The following MSRA variants were observed in gnomAD, a reference collection of about 807,000 sequenced individuals.
The protein encoded by MSRA is methionine sulfoxide reductase A, also known as mitochondrial peptide methionine sulfoxide reductase.
MSRA carries 54 observed loss-of-function variants against 31.3 expected under a neutral mutation model. The observed-to-expected ratio is 1.73, with a 90% CI of 1.39 to 2.17. The LOEUF (loss-of-function observed/expected upper bound fraction) is 2.17, where lower values mean the gene tolerates loss of function less well. Ranked by LOEUF, MSRA falls within the 30% of genes most tolerant of loss-of-function variation. The pLI, the probability that MSRA is intolerant of heterozygous loss-of-function variation, is 0.00. For missense variants in MSRA, 507 were observed against 300.9 expected, an observed-to-expected ratio of 1.69 and a Z score of -5.07; for synonymous variants, 169 against 116.5, an observed-to-expected ratio of 1.45 and a Z score of -2.90.
intron 1 of MSRA, among the ~76,000 whole-genome samples, chr8:10,114,783 C>G (rs185777069): frequency 9.9e-5 from 15 of 152,230 alleles, no homozygotes; most frequent in Admixed American, 3.3e-4. Context: ...TAATGAAAGA[C>G]TCAATATTGT....
At chr8:10,254,583 G>C (rs1798081763) in intron 3 of MSRA, among the ~76,000 whole-genome samples, 1 of 152,184 alleles carries the variant, frequency 6.6e-6, no homozygotes, top group African/African-American at 2.4e-5. Flanking sequence ...ACAGTCCCAT[G>C]AGATAGAGCA....
At chr8:10,204,453 G>T (rs752960631) in intron 1 of MSRA, among the ~76,000 whole-genome samples, 1 of 151,904 alleles carries the variant, frequency 6.6e-6, no homozygotes, top group African/African-American at 2.4e-5. Flanking sequence ...TATTTTTACC[G>T]TACCTTTTCT....
chr8:10,125,176 AGGTGCCTCATTTGG>A (rs1419608731), intron 1 of MSRA, among the ~76,000 whole-genome samples: 1 of 152,202 alleles, frequency 6.6e-6, no homozygotes, highest in African/African-American at 2.4e-5. Flanking sequence ...GACGGCTGCC[AGGTGCCTCATTTGG>A]GGAGTAGGGG....
At chr8:10,103,788 A>C (rs1233806291) in intron 1 of MSRA, among the ~76,000 whole-genome samples, 2 of 152,032 alleles carry the variant, frequency 1.3e-5, no homozygotes, top group Non-Finnish European at 2.9e-5. Context: ...AAGTAGAATG[A>C]ATACCCATAT....
At chr8:10,271,720 T>C (rs1424277581) in intron 3 of MSRA, among the ~76,000 whole-genome samples, 2 of 13,612 alleles carry the variant, frequency 1.5e-4, no homozygotes, top group East Asian at 6.7e-3. Flanking sequence ...TGGGTAGTCT[T>C]TTTTTTTTTT....
At chr8:10,097,243 T>C (rs1393359922) in intron 1 of MSRA, among the ~76,000 whole-genome samples, 4 of 152,346 alleles carry the variant, frequency 2.6e-5, no homozygotes, top group East Asian at 3.9e-4. Context: ...TCTTCAACTT[T>C]TTAATTAATC....
At chr8:10,195,306 T>A (rs1807873600) in intron 1 of MSRA, among the ~76,000 whole-genome samples, 1 of 152,250 alleles carries the variant, frequency 6.6e-6, no homozygotes, top group African/African-American at 2.4e-5. Context: ...AGTGGCACAA[T>A]CTCGGCTCAT....
chr8:10,134,019 A>G (rs1338986444), intron 1 of MSRA, among the ~76,000 whole-genome samples: 1 of 151,820 alleles, frequency 6.6e-6, no homozygotes, highest in African/African-American at 2.4e-5. Flanking sequence ...TTAGTAGAGA[A>G]GGGGTTTCAC....
At chr8:10,343,348 C>T (rs1205433522) in intron 5 of MSRA, among the ~76,000 whole-genome samples, 2 of 152,146 alleles carry the variant, frequency 1.3e-5, no homozygotes, top group Non-Finnish European at 2.9e-5. Flanking sequence ...CCATGCTGTA[C>T]GTCATGCAGG....
intron 1 of MSRA, among the ~76,000 whole-genome samples, chr8:10,114,528 G>A (rs986975513): frequency 1.3e-5 from 2 of 152,088 alleles, no homozygotes; most frequent in Non-Finnish European, 2.9e-5. Flanking sequence ...TTAAATGACA[G>A]CCATGCTAAT....
chr8:10,313,551 G>A (rs1188501529), intron 4 of MSRA, among the ~76,000 whole-genome samples: 2 of 151,790 alleles, frequency 1.3e-5, no homozygotes, highest in Non-Finnish European at 2.9e-5. Context: ...TCTAATATTG[G>A]GTCTTGTTTA....
At chr8:10,422,906 C>T (rs1808899343) in intron 5 of MSRA, among the ~76,000 whole-genome samples, 1 of 152,236 alleles carries the variant, frequency 6.6e-6, no homozygotes. Flanking sequence ...TCTCCATCCC[C>T]AAAAGTGGCC....
At position 10,257,187 on chromosome 8, in the gene MSRA, G is replaced by A. The variant is rs113622360; in HGVS notation, c.331+11964G>A. Reference sequence around the variant, plus strand: ...ATCAGGGGTGGCCAGGAATGGGCACGTACAGACAGAAGCATTCAAGTGACT... The same window carrying A: ...ATCAGGGGTGGCCAGGAATGGGCACATACAGACAGAAGCATTCAAGTGACT... On this transcript the variant is annotated intron_variant, in intron 3 of 5. Transcript: ENST00000317173. Among the ~76,000 whole-genome samples the A allele has an allele frequency of 1.2e-4, 19 of 152,148 alleles. 1 individual carries two copies. Among genetic ancestry groups the A allele is most frequent in the Admixed American group, 8.5e-4 (13 of 15,286 alleles).
intron 3 of MSRA, among the ~76,000 whole-genome samples, chr8:10,270,307 C>T (rs1284974209): frequency 6.6e-6 from 1 of 151,962 alleles, no homozygotes; most frequent in Non-Finnish European, 1.5e-5. Flanking sequence ...CCACAAAATG[C>T]CATACAAAAG....
intron 1 of MSRA, among the ~76,000 whole-genome samples, chr8:10,132,491 G>A (rs1161172363): frequency 6.6e-6 from 1 of 152,256 alleles, no homozygotes; most frequent in Non-Finnish European, 1.5e-5. Context: ...AGAGGCTGGG[G>A]AAGTCCAAGA....
intron 5 of MSRA, among the ~76,000 whole-genome samples, chr8:10,354,728 T>C (rs913058229): frequency 6.0e-5 from 8 of 134,238 alleles, no homozygotes; most frequent in Admixed American, 2.4e-4. Context: ...ATACCAGTTA[T>C]GTAATATGTG....
intron 5 of MSRA, among the ~76,000 whole-genome samples, chr8:10,421,943 G>A (rs1213469831): frequency 6.6e-6 from 1 of 152,160 alleles, no homozygotes; most frequent in East Asian, 1.9e-4. Context: ...TTCACCCCTG[G>A]GTGGGGATTT....
At chr8:10,290,442 A>G (rs1800170821) in intron 3 of MSRA, among the ~76,000 whole-genome samples, 1 of 150,392 alleles carries the variant, frequency 6.6e-6, no homozygotes, top group Admixed American at 6.6e-5. Flanking sequence ...ACTTTGTTGA[A>G]AAAAAAAAAT....
intron 4 of MSRA, among the ~76,000 whole-genome samples, chr8:10,316,063 G>A (rs999324569): frequency 6.6e-6 from 1 of 152,130 alleles, no homozygotes; most frequent in Non-Finnish European, 1.5e-5. Context: ...GAATAAATAT[G>A]TGGCACCTCT....
Sources: gnomAD v4.1 joint callset for allele counts (sites outside exome capture counted in the v4.1 genomes callset) on GRCh38, gnomAD v4.1.1 for gene constraint, MANE v1.5 for transcripts, NCBI Gene and HGNC (gene_info 2026-07-23, HGNC 2026-07-21) for gene names.